Variants in KDM3B observed in about 807,000 individuals in gnomAD.
KDM3B encodes lysine-specific demethylase 3B.
KDM3B carries 10 observed loss-of-function variants against 170.0 expected under a neutral mutation model. The observed-to-expected ratio is 0.06, with a 90% CI of 0.04 to 0.10. The LOEUF (loss-of-function observed/expected upper bound fraction) is 0.10, where lower values mean the gene tolerates loss of function less well. Ranked by LOEUF, KDM3B falls within the 10% of genes least tolerant of loss-of-function variation. The pLI, the probability that KDM3B is intolerant of heterozygous loss-of-function variation, is 1.00. For synonymous variants in KDM3B, 831 were observed against 834.8 expected, an observed-to-expected ratio of 1.00 and a Z score of 0.08; for missense variants, 1,394 against 2,195.2, an observed-to-expected ratio of 0.64 and a Z score of 7.29.
chr5:138,405,992 A>G lies in KDM3B; in HGVS notation c.3199+5980A>G, dbSNP rs542630086. ...GCTAGTAAGTCCAAAATGGGAAACA[A>G]AATCAAATCACAAAAAATATGTAAG... On this transcript the variant is annotated intron_variant, in intron 11 of 23. Coordinates refer to ENST00000314358, the MANE Select transcript of KDM3B (RefSeq NM_016604.4). 3.6e-4 allele frequency among the ~76,000 whole-genome samples: 55 copies of G among 152,336 alleles called. No homozygotes were observed. In the South Asian group the frequency reaches 0.011, roughly 31 times the overall value.
intron 11 of KDM3B, among the ~76,000 whole-genome samples, chr5:138,402,959 C>G (rs1055500446): frequency 6.6e-6 from 1 of 152,188 alleles, no homozygotes; most frequent in African/African-American, 2.4e-5. Context: ...ATATAGTAAT[C>G]TGTGCATGAA....
At chr5:138,360,512 T>TA (rs1761569228) in intron 1 of KDM3B, among the ~76,000 whole-genome samples, 1 of 127,800 alleles carries the variant, frequency 7.8e-6, no homozygotes, top group South Asian at 2.9e-4. Flanking sequence ...GTTGATTTTT[T>TA]AAAAAAAGAT....
intron 18 of KDM3B, 44 bp from the exon 19 acceptor site, chr5:138,427,145 C>T: frequency 1.2e-6 from 2 of 1,607,322 alleles, no homozygotes; most frequent in Non-Finnish European, 1.7e-6. Context: ...TATTGGCTTT[C>T]TTCCCCTATA....
intron 1 of KDM3B, among the ~76,000 whole-genome samples, chr5:138,372,227 T>G (rs1353846293): frequency 6.6e-6 from 1 of 152,246 alleles, no homozygotes; most frequent in African/African-American, 2.4e-5. Flanking sequence ...AAAAAATAAT[T>G]AAAAGTTCAC....
intron 9 of KDM3B, among the ~76,000 whole-genome samples, chr5:138,393,841 A>C (rs1002972864): frequency 3.9e-5 from 6 of 152,114 alleles, no homozygotes; most frequent in African/African-American, 1.4e-4. Flanking sequence ...TGCTTTTACC[A>C]AACAATATCT....
At chr5:138,378,330 C>T in intron 4 of KDM3B, among the ~76,000 whole-genome samples, 1 of 152,096 alleles carries the variant, frequency 6.6e-6, no homozygotes. Flanking sequence ...TTAAAATCTG[C>T]AAGTTTCTTA....
intron 11 of KDM3B, among the ~76,000 whole-genome samples, chr5:138,402,869 G>C (rs909669353): frequency 1.3e-5 from 2 of 152,242 alleles, no homozygotes; most frequent in South Asian, 2.1e-4. Flanking sequence ...TAGAGACAGA[G>C]ATGACAGTCT....
At chr5:138,376,671 T>C (rs1424801647) in intron 3 of KDM3B, among the ~76,000 whole-genome samples, 1 of 145,988 alleles carries the variant, frequency 6.8e-6, no homozygotes, top group Admixed American at 7.0e-5. Flanking sequence ...GCCACTGCAC[T>C]CCAGCCTGGG....
At chr5:138,418,922 A>C in intron 13 of KDM3B, 31 bp from the exon 14 acceptor site, 3 of 1,604,510 alleles carry the variant, frequency 1.9e-6, no homozygotes. Flanking sequence ...CAAGCACAGC[A>C]CTCTAATTAT....
chr5:138,393,515 C>A, intron 9 of KDM3B, 143 bp downstream of exon 9: 1 of 674,538 alleles, frequency 1.5e-6, no homozygotes, highest in Non-Finnish European at 2.5e-6. Flanking sequence ...TGTGAAGAGG[C>A]TCTGGCATAG....
At chr5:138,426,173 G>C (rs1763386201) in intron 17 of KDM3B, among the ~76,000 whole-genome samples, 1 of 152,134 alleles carries the variant, frequency 6.6e-6, no homozygotes, top group African/African-American at 2.4e-5. Context: ...GAGGAATGGG[G>C]ATAGAATCCC....
chr5:138,434,307 T>A (rs1183573120), intron 23 of KDM3B, among the ~76,000 whole-genome samples: 1 of 151,886 alleles, frequency 6.6e-6, no homozygotes, highest in South Asian at 2.1e-4. Context: ...CCCAACACTT[T>A]GGGAGGCCGA....
At position 138,427,372 on chromosome 5, in the gene KDM3B, A is replaced by C. The variant is rs116175949; in HGVS notation, c.4633+53A>C. On this transcript the variant is annotated intron_variant, in intron 19 of 23. Transcript: ENST00000314358. Reference sequence around the variant, plus strand: ...TTTGGGGGACTGTTGTTCTTATTTCAACTATAGAAGGATATCTGTGGTCAA... The same window carrying C: ...TTTGGGGGACTGTTGTTCTTATTTCCACTATAGAAGGATATCTGTGGTCAA... 1.7e-3 allele frequency: 2,637 copies of C among 1,573,656 alleles called. 5 individuals are homozygous for C. The highest frequency in any genetic ancestry group is 2.3e-3 in the Admixed American group (133 of 57,826).
intron 23 of KDM3B, among the ~76,000 whole-genome samples, chr5:138,433,435 C>A (rs898172647): frequency 7.3e-6 from 1 of 136,848 alleles, no homozygotes; most frequent in African/African-American, 2.7e-5. Context: ...TTGAGACAGT[C>A]TCACTCTGTC....
Position 138,429,936 on chromosome 5 carries a change from G to T in KDM3B, c.4864G>T (p.Ala1622Ser). The T allele has an allele frequency of 6.2e-7, 1 of 1,614,220 alleles. No homozygotes were observed. Among genetic ancestry groups the T allele is most frequent in the Non-Finnish European group, 8.5e-7 (1 of 1,180,032 alleles). ...ALWHIYAAKD[A>S]EKIRELLRKV... ...ATGGCACATCTATGCAGCCAAGGAT[G>T]CAGAGAAGATCCGGGAGCTGCTCCG... The change falls in exon 21 of 24, where the codon GCA becomes TCA. Residue 1622 changes from alanine (A) to serine (S), a missense_variant. Transcript: ENST00000314358.
At chr5:138,386,783 T>A (rs1174228357) in intron 7 of KDM3B, among the ~76,000 whole-genome samples, 162 bp downstream of exon 7, 1 of 152,176 alleles carries the variant, frequency 6.6e-6, no homozygotes, top group Non-Finnish European at 1.5e-5. Flanking sequence ...TGGGCAAATG[T>A]GTATAGTTTA....
At chr5:138,400,407 A>G (rs558579732) in intron 11 of KDM3B, among the ~76,000 whole-genome samples, 120 of 152,002 alleles carry the variant, frequency 7.9e-4, no homozygotes, top group African/African-American at 2.7e-3. Context: ...TTTTTAAATA[A>G]CATCTTTATT....
chr5:138,427,898 G>A (rs976357974), intron 19 of KDM3B, 69 bp from the exon 20 acceptor site: 2 of 1,461,078 alleles, frequency 1.4e-6, no homozygotes, highest in Middle Eastern at 2.0e-4. Context: ...CATGTTTTCA[G>A]ATGTAGTGTC....
At chr5:138,404,531 G>C (rs1156833568) in intron 11 of KDM3B, among the ~76,000 whole-genome samples, 1 of 151,876 alleles carries the variant, frequency 6.6e-6, no homozygotes, top group African/African-American at 2.4e-5. Context: ...GGAGGCTGAG[G>C]CAGGAGAATC....
Sources: allele counts gnomAD v4.1 joint callset (sites outside exome capture counted in the v4.1 genomes callset), GRCh38; gene constraint gnomAD v4.1.1; transcripts MANE v1.5; gene names NCBI Gene and HGNC (gene_info 2026-07-23, HGNC 2026-07-21).